The following ACYP2 variants were observed in gnomAD, a reference collection of about 807,000 sequenced individuals.
The protein encoded by ACYP2 is acylphosphatase-2.
In ACYP2, 12 loss-of-function variants were observed where a neutral mutation model predicts 11.2. The ratio of observed to expected loss-of-function variants is 1.08; its 90% CI spans 0.69 to 1.74. ACYP2 has a LOEUF of 1.74. ACYP2 is among the 40% of genes most tolerant of loss of function. ACYP2 has a pLI of 0.00. For missense variants in ACYP2, 134 were observed against 101.9 expected, an observed-to-expected ratio of 1.31 and a Z score of -1.35; for synonymous variants, 43 against 32.2, an observed-to-expected ratio of 1.33 and a Z score of -1.13.
chr2:54,110,757 C>T (rs538763519), intron 4 of ACYP2, among the ~76,000 whole-genome samples: 4 of 151,924 alleles, frequency 2.6e-5, no homozygotes, highest in East Asian at 1.9e-4. Flanking sequence ...AGCAAGGTGT[C>T]GCCCCATCAC....
chr2:54,282,809 A>G, intron 6 of ACYP2, among the ~76,000 whole-genome samples: 1 of 152,140 alleles, frequency 6.6e-6, no homozygotes, highest in East Asian at 1.9e-4. Flanking sequence ...CTGTATGGAC[A>G]TATTCACAGG....
chr2:54,100,463 T>A (rs980527947), intron 4 of ACYP2, among the ~76,000 whole-genome samples: 2 of 151,876 alleles, frequency 1.3e-5, no homozygotes, highest in Non-Finnish European at 2.9e-5. Context: ...CCACCACACC[T>A]GGCTAATTAA....
chr2:54,075,541 G>A (rs894992138), intron 4 of ACYP2, among the ~76,000 whole-genome samples: 10 of 150,986 alleles, frequency 6.6e-5, no homozygotes, highest in African/African-American at 1.9e-4. Context: ...GGGTGGACAC[G>A]GTGGTTCATG....
chr2:54,275,272 A>T (rs907587615), intron 6 of ACYP2, among the ~76,000 whole-genome samples: 3 of 152,220 alleles, frequency 2.0e-5, no homozygotes, highest in Non-Finnish European at 2.9e-5. Context: ...CCAGACTAAT[A>T]TGAACCTAAA....
At chr2:54,274,701 T>C (rs978606835) in intron 6 of ACYP2, among the ~76,000 whole-genome samples, 4 of 151,786 alleles carry the variant, frequency 2.6e-5, no homozygotes, top group African/African-American at 9.7e-5. Flanking sequence ...ACATTTTTTA[T>C]TGCAAATCAC....
chr2:54,061,409 G>A (rs886701004), intron 4 of ACYP2, among the ~76,000 whole-genome samples: 1 of 152,186 alleles, frequency 6.6e-6, no homozygotes, highest in Non-Finnish European at 1.5e-5. Context: ...CCACAGAGGT[G>A]GACACGTGCT....
At chr2:54,076,593 G>T (rs987665256) in intron 4 of ACYP2, among the ~76,000 whole-genome samples, 3 of 152,184 alleles carry the variant, frequency 2.0e-5, no homozygotes, top group African/African-American at 7.2e-5. Context: ...AAGTTTAATA[G>T]ATTTTTATAT....
intron 3 of ACYP2, chr2:54,051,435 T>A: frequency 2.8e-6 from 2 of 715,280 alleles, no homozygotes; most frequent in Non-Finnish European, 2.5e-6. Flanking sequence ...TGAAAATCTA[T>A]ATCCCTCCTA....
chr2:54,025,906 C>G (rs1674258343), intron 2 of ACYP2, among the ~76,000 whole-genome samples: 2 of 152,142 alleles, frequency 1.3e-5, no homozygotes, highest in South Asian at 2.1e-4. Flanking sequence ...AGACTGAGGT[C>G]AGGAATTTGA....
At chr2:54,139,787 G>A (rs1031698202) in intron 6 of ACYP2, among the ~76,000 whole-genome samples, 1 of 151,592 alleles carries the variant, frequency 6.6e-6, no homozygotes, top group African/African-American at 2.4e-5. Flanking sequence ...AACTTGTAAT[G>A]TGTACTTTTC....
At chr2:53,977,068 G>A (rs1489410444) in intron 2 of ACYP2, among the ~76,000 whole-genome samples, 1 of 151,772 alleles carries the variant, frequency 6.6e-6, no homozygotes, top group Non-Finnish European at 1.5e-5. Flanking sequence ...TTCTTTTTCA[G>A]ATGGAGTCCT....
chr2:54,217,700 T>G (rs546090852), intron 6 of ACYP2, among the ~76,000 whole-genome samples: 26 of 152,244 alleles, frequency 1.7e-4, no homozygotes, highest in Admixed American at 1.6e-3. Context: ...ATTATTTATT[T>G]CAGATGAATC....
Position 54,165,533 on chromosome 2 carries a change from TCTCACACACACACACA to T in ACYP2, c.404+26787_404+26802del, listed in dbSNP as rs1218470659. On this transcript the variant is annotated intron_variant, in intron 6 of 6. Coordinates refer to ENST00000607452, the MANE Select transcript of ACYP2 (RefSeq NM_001320586.2). Reference sequence around the variant, plus strand: ...CTCTTTCACTCTCTCTCTCTCTCTCTCTCACACACACACACACACACACACACACACACACACACAT... The same window carrying T: ...CTCTTTCACTCTCTCTCTCTCTCTCTCACACACACACACACACACACACAT... Among the ~76,000 whole-genome samples, 9 of 123,744 alleles carry T rather than the reference TCTCACACACACACACA, an allele frequency of 7.3e-5. No homozygotes were observed. In the South Asian group the frequency reaches 1.9e-3, roughly 26 times the overall value. The allele number at this position is 123,744 out of a possible 152,430, so 81.2% of individuals were successfully genotyped here. A position where few individuals can be genotyped will look rare whatever the true frequency, so the allele number is the denominator to read the frequency against.
At chr2:54,304,102 G>C (rs1302091227) in intron 6 of ACYP2, among the ~76,000 whole-genome samples, 1 of 151,922 alleles carries the variant, frequency 6.6e-6, no homozygotes, top group Non-Finnish European at 1.5e-5. Context: ...TAATATATGT[G>C]GTAAGAAACA....
At chr2:53,987,266 G>A (rs937505560) in intron 2 of ACYP2, among the ~76,000 whole-genome samples, 1 of 151,964 alleles carries the variant, frequency 6.6e-6, no homozygotes, top group Non-Finnish European at 1.5e-5. Context: ...TTACATGAGG[G>A]TGGTTAGTAT....
intron 6 of ACYP2, among the ~76,000 whole-genome samples, chr2:54,162,649 A>C (rs2103832046): frequency 6.6e-6 from 1 of 152,132 alleles, no homozygotes; most frequent in South Asian, 2.1e-4. Context: ...TCCTGTACTC[A>C]CCGGAACCTA....
chr2:54,239,384 C>T lies in ACYP2; in HGVS notation c.405-65304C>T, dbSNP rs576423506. Reference sequence around the variant, plus strand: ...TTAGCTAGCTTCAAACAAACTTAGCCAGCTTAAAAACAGAAATGGAACTGA... The same window carrying T: ...TTAGCTAGCTTCAAACAAACTTAGCTAGCTTAAAAACAGAAATGGAACTGA... On this transcript the variant is annotated intron_variant, in intron 6 of 6. Transcript: ENST00000607452. 1.6e-4 allele frequency among the ~76,000 whole-genome samples: 24 copies of T among 152,286 alleles called. No individual in the cohort carries two copies. In the South Asian group the frequency reaches 4.1e-3, roughly 26 times the overall value.
intron 2 of ACYP2, among the ~76,000 whole-genome samples, chr2:54,011,333 T>C (rs1673360861): frequency 6.6e-6 from 1 of 152,214 alleles, no homozygotes; most frequent in Non-Finnish European, 1.5e-5. Context: ...TCCTTAGATA[T>C]TTTTGAATAA....
At chr2:54,066,134 G>A (rs1676735386) in intron 4 of ACYP2, 1 of 152,168 alleles carries the variant, frequency 6.6e-6, no homozygotes, top group South Asian at 2.1e-4. Context: ...AATCTCATCT[G>A]GAATTGTAAT....
Sources: gnomAD v4.1 joint callset for allele counts (sites outside exome capture counted in the v4.1 genomes callset) on GRCh38, gnomAD v4.1.1 for gene constraint, MANE v1.5 for transcripts, NCBI Gene and HGNC (gene_info 2026-07-23, HGNC 2026-07-21) for gene names.